The following LARGE1 variants were observed in gnomAD, a reference collection of about 807,000 sequenced individuals.
LARGE1 encodes xylosyl- and glucuronyltransferase LARGE1.
Under a neutral mutation model 87.6 loss-of-function variants are expected in LARGE1, and 43 were observed. The observed-to-expected ratio is 0.49, with a 90% CI of 0.38 to 0.63. The LOEUF (loss-of-function observed/expected upper bound fraction) is 0.63. Among genes scored for constraint, LARGE1 ranks in the 30% least tolerant of loss-of-function variants. The pLI is 0.00. For synonymous variants in LARGE1, 434 were observed against 394.6 expected (o/e 1.10, Z -1.18); for missense variants, 802 against 1,000.2 (o/e 0.80, Z 2.67).
At chr22:33,878,125 A>ATTTTTTTTTTTTTTTT (rs1601836110) in intron 1 of LARGE1, among the ~76,000 whole-genome samples, 19 of 51,228 alleles carry the variant, frequency 3.7e-4, no homozygotes, top group East Asian at 7.2e-4. Context: ...TTTATATTGT[A>ATTTTTTTTTTTTTTTT]TTTCTTTTTT....
chr22:33,558,548 T>C (rs1167951999), intron 6 of LARGE1, among the ~76,000 whole-genome samples: 2 of 152,074 alleles, frequency 1.3e-5, no homozygotes, highest in Non-Finnish European at 2.9e-5. Flanking sequence ...CAAGAGTGGT[T>C]CAATGACCTC....
chr22:33,708,879 G>A (rs868769170), intron 2 of LARGE1, among the ~76,000 whole-genome samples: 4 of 152,030 alleles, frequency 2.6e-5, no homozygotes, highest in Non-Finnish European at 4.4e-5. Flanking sequence ...GATTACAGGC[G>A]CGAGCCATCA....
chr22:33,201,614 T>C (rs1924398393), intron 11 of LARGE1, among the ~76,000 whole-genome samples: 1 of 151,792 alleles, frequency 6.6e-6, no homozygotes, highest in Non-Finnish European at 1.5e-5. Flanking sequence ...CTGGGAGAGG[T>C]ACTCCAGAAA....
intron 6 of LARGE1, among the ~76,000 whole-genome samples, chr22:33,538,240 C>T (rs2077095321): frequency 6.6e-6 from 1 of 152,222 alleles, no homozygotes; most frequent in Admixed American, 6.5e-5. Context: ...AGTAACTCTC[C>T]TTCAACTATG....
At chr22:33,120,360 T>C in the LARGE1 span, among the ~76,000 whole-genome samples, 156 of 81,050 alleles carry the variant, frequency 1.9e-3, no homozygotes, top group East Asian at 6.4e-3. Flanking sequence ...TTCTTTCTTT[T>C]TCTTTCTTTC....
intron 1 of LARGE1, among the ~76,000 whole-genome samples, chr22:33,871,149 T>G (rs543790215): frequency 6.6e-4 from 100 of 152,336 alleles, no homozygotes; most frequent in African/African-American, 2.4e-3. Flanking sequence ...CACAAATAAA[T>G]TAATTAGATA....
intron 10 of LARGE1, among the ~76,000 whole-genome samples, chr22:33,336,118 T>C (rs1419700728): frequency 6.6e-6 from 1 of 152,224 alleles, no homozygotes; most frequent in African/African-American, 2.4e-5. Flanking sequence ...ATATTGACTA[T>C]GCATGTAACA....
At chr22:33,239,743 TG>T (rs1320548735) in intron 11 of LARGE1, among the ~76,000 whole-genome samples, 23 of 151,972 alleles carry the variant, frequency 1.5e-4, no homozygotes, top group Admixed American at 1.5e-3. Flanking sequence ...TTCACTATGT[TG>T]GCCAGGTTGG....
chr22:33,176,901 C>T (rs549525789), intron 11 of LARGE1, among the ~76,000 whole-genome samples: 1 of 152,226 alleles, frequency 6.6e-6, no homozygotes, highest in Admixed American at 6.5e-5. Flanking sequence ...AAACTTGGAA[C>T]TAACCCTAAC....
intron 6 of LARGE1, among the ~76,000 whole-genome samples, chr22:33,529,883 C>T (rs2072109637): frequency 1.3e-5 from 2 of 152,220 alleles, no homozygotes; most frequent in Admixed American, 1.3e-4. Context: ...CATCTTCCTC[C>T]TTCTCACCAG....
chr22:33,401,441 T>A (rs571343708), intron 7 of LARGE1, among the ~76,000 whole-genome samples: 16 of 152,154 alleles, frequency 1.1e-4, no homozygotes, highest in Non-Finnish European at 2.4e-4. Context: ...TCTAGCCAGA[T>A]TGATGAGGAG....
At chr22:33,376,069 C>CT (rs200049303) in intron 9 of LARGE1, among the ~76,000 whole-genome samples, 2 of 152,014 alleles carry the variant, frequency 1.3e-5, no homozygotes, top group Non-Finnish European at 2.9e-5. Context: ...TGTTTCTGTT[C>CT]TTTTTTTTCT....
chr22:33,309,367 A>G (rs1935307066), intron 11 of LARGE1, among the ~76,000 whole-genome samples: 1 of 152,172 alleles, frequency 6.6e-6, no homozygotes, highest in Admixed American at 6.5e-5. Context: ...GGATTTCGCC[A>G]TGTTGGCCAG....
chr22:33,698,556 C>T lies in LARGE1; in HGVS notation c.107-47888G>A, dbSNP rs544249374. Among the ~76,000 whole-genome samples the T allele has an allele frequency of 3.3e-5, 5 of 152,324 alleles. No individual in the cohort carries two copies. The South Asian group carries it at 6.2e-4, about 19-fold the overall frequency. On this transcript the variant is annotated intron_variant, in intron 2 of 14. Coordinates refer to ENST00000397394, the MANE Select transcript of LARGE1 (RefSeq NM_133642.5). ...AGCTCCTAGCCTCAAGCGATCTGCC[C>T]GCCTTAGCCTCCCAAAGGGATTATA...
chr22:33,634,302 A>T (rs2080198807), intron 3 of LARGE1, among the ~76,000 whole-genome samples: 1 of 152,120 alleles, frequency 6.6e-6, no homozygotes, highest in Non-Finnish European at 1.5e-5. Context: ...CCAGTTTCTG[A>T]TCCAGGATCT....
intron 6 of LARGE1, among the ~76,000 whole-genome samples, chr22:33,433,243 T>C (rs1356014663): frequency 1.3e-5 from 2 of 152,226 alleles, no homozygotes; most frequent in African/African-American, 2.4e-5. Context: ...GATGCACTAT[T>C]GCTTATCCTT....
At chr22:33,382,582 C>T (rs1462626989) in intron 8 of LARGE1, among the ~76,000 whole-genome samples, 1 of 152,130 alleles carries the variant, frequency 6.6e-6, no homozygotes, top group South Asian at 2.1e-4. Context: ...ATACGCACTC[C>T]CCGTTTCAAA....
chr22:33,504,911 T>C (rs2014732434), intron 6 of LARGE1, among the ~76,000 whole-genome samples: 1 of 152,218 alleles, frequency 6.6e-6, no homozygotes, highest in South Asian at 2.1e-4. Flanking sequence ...AGGCAAGCAC[T>C]GTATTGCTAA....
At chr22:33,878,110 T>G (rs1432228649) in intron 1 of LARGE1, among the ~76,000 whole-genome samples, 1 of 148,410 alleles carries the variant, frequency 6.7e-6, no homozygotes, top group Non-Finnish European at 1.5e-5. Context: ...AAATTATGTA[T>G]GTTGTTTATA....
Sources: gnomAD v4.1 joint callset for allele counts (sites outside exome capture counted in the v4.1 genomes callset) on GRCh38, gnomAD v4.1.1 for gene constraint, MANE v1.5 for transcripts, NCBI Gene and HGNC (gene_info 2026-07-23, HGNC 2026-07-21) for gene names.